The following SPATA2 variants were observed in gnomAD, a reference collection of about 807,000 sequenced individuals.
SPATA2 encodes spermatogenesis-associated protein 2.
In SPATA2, 8 loss-of-function variants were observed where a neutral mutation model predicts 35.4. The observed-to-expected ratio is 0.23, with a 90% CI of 0.13 to 0.41. The LOEUF is 0.41. SPATA2 is among the 10% of genes least tolerant of loss of function. The pLI is 1.00. For synonymous variants in SPATA2, 293 were observed against 300.9 expected (o/e 0.97, Z 0.27); for missense variants, 650 against 698.7 (o/e 0.93, Z 0.79).
Position 49,903,902 on chromosome 20 carries a change from G to GATAGAGATATATAT in SPATA2, c.*1716_*1717insATATATATCTCTAT, listed in dbSNP as rs1431587837. Reference sequence around the variant, plus strand: ...ACATCTACATGTGATCTACCAGATAGATATATATATATATATATATATATA... The same window carrying GATAGAGATATATAT: ...ACATCTACATGTGATCTACCAGATAGATAGAGATATATATATATATATATATATATATATATATA... On this transcript the variant is annotated 3_prime_UTR_variant, in exon 3 of 3. Transcript: ENST00000289431. 2.1e-5 allele frequency: 2 copies of GATAGAGATATATAT among 96,934 alleles called. No homozygotes were observed. Among genetic ancestry groups the GATAGAGATATATAT allele is most frequent in the South Asian group, 3.0e-4 (1 of 3,372 alleles). The allele number at this position is 96,934 out of a possible 1,614,324, so 6.0% of individuals were successfully genotyped here.
intron 1 of SPATA2, among the ~76,000 whole-genome samples, chr20:49,910,953 G>T (rs372229501): frequency 6.6e-6 from 1 of 152,246 alleles, no homozygotes; most frequent in Non-Finnish European, 1.5e-5. Context: ...GGGGGCTCAC[G>T]CCTGTAATCC....
In SPATA2 at chr20:49,904,399, A is replaced by G. The variant is rs2090127746; in HGVS notation, c.*1220T>C. 1 of 152,562 alleles carries G rather than the reference A, an allele frequency of 6.6e-6. No individual in the cohort carries two copies. The highest frequency in any genetic ancestry group is 1.9e-4 in the East Asian group (1 of 5,202). 9.5% of individuals were successfully genotyped at this position (152,562 alleles called of 1,614,324 possible). ...AGATGAGTCCTGGAAACTGGTGAAG[A>G]GAAGAGGATTGAGATGGAGGGGCAG... On this transcript the variant is annotated 3_prime_UTR_variant, in exon 3 of 3. Coordinates refer to ENST00000289431, the MANE Select transcript of SPATA2 (RefSeq NM_006038.4).
At chr20:49,914,775 AT>A (rs2146838912) in intron 1 of SPATA2, among the ~76,000 whole-genome samples, 1 of 152,362 alleles carries the variant, frequency 6.6e-6, no homozygotes, top group South Asian at 2.1e-4. Flanking sequence ...CAGCTCGGTC[AT>A]TCCTACAGCC....
Position 49,906,596 on chromosome 20 carries a change from C to T in SPATA2, c.586G>A (p.Glu196Lys), listed in dbSNP as rs372756959. The T allele has an allele frequency of 6.2e-6, 10 of 1,614,086 alleles. No individual in the cohort carries two copies. Among genetic ancestry groups the T allele is most frequent in the Non-Finnish European group, 1.7e-6 (2 of 1,180,040 alleles). The change falls in exon 3 of 3, where the codon GAG becomes AAG. Residue 196 changes from glutamate (E) to lysine (K), a missense_variant. Coordinates refer to ENST00000289431, the MANE Select transcript of SPATA2 (RefSeq NM_006038.4). The surrounding 1 kb of genome is among the most constrained non-coding windows in gnomAD (Gnocchi z 8.2). The stretch of plus-strand genomic sequence containing the variant: ...ACATCCTCTGCACTGCTCTTGCGCT[C>T]GCTCACAATGTCCAGCTCGGAGTAG... ...KGYSELDIVS[E>K]RKSSAEDVRG...
Position 49,908,386 on chromosome 20 carries a change from C to T in SPATA2, c.105G>A (p.Arg35=). The change falls in exon 2 of 3, where the codon CGG becomes CGA. Residue 35 remains arginine (R), a synonymous_variant. Coordinates refer to ENST00000289431, the MANE Select transcript of SPATA2 (RefSeq NM_006038.4). ...SKVDTTTSRQ[R]PGSDECLRVA... ...CCCGCAGGCACTCATCGCTGCCAGGCCGCTGCCTGCTGGTGGTGGTATCCA... is the reference window on the plus strand; with the variant it reads ...CCCGCAGGCACTCATCGCTGCCAGGTCGCTGCCTGCTGGTGGTGGTATCCA... 6.2e-7 allele frequency: 1 copy of T among 1,614,192 alleles called. No individual in the cohort carries two copies. Among genetic ancestry groups the T allele is most frequent in the South Asian group, 1.1e-5 (1 of 91,088 alleles).
chr20:49,907,391 C>T (rs1356045054), intron 2 of SPATA2, among the ~76,000 whole-genome samples: 1 of 152,166 alleles, frequency 6.6e-6, no homozygotes, highest in Non-Finnish European at 1.5e-5. Flanking sequence ...GAAGCAAAAC[C>T]TCTCGCTTCC....
intron 1 of SPATA2, among the ~76,000 whole-genome samples, chr20:49,914,049 A>G (rs1442212829): frequency 7.8e-6 from 1 of 128,348 alleles, no homozygotes; most frequent in Non-Finnish European, 1.7e-5. Context: ...AAAAAAAAAA[A>G]CCCAAAAAAC....
At chr20:49,912,976 A>C (rs939981567) in intron 1 of SPATA2, among the ~76,000 whole-genome samples, 1 of 150,418 alleles carries the variant, frequency 6.6e-6, no homozygotes, top group Non-Finnish European at 1.5e-5. Flanking sequence ...GGGTGTGGTG[A>C]CACCCACCTG....
At chr20:49,912,393 C>T (rs376901800) in intron 1 of SPATA2, among the ~76,000 whole-genome samples, 2 of 152,228 alleles carry the variant, frequency 1.3e-5, no homozygotes, top group East Asian at 3.8e-4. Context: ...TTGCAGTGAG[C>T]TGAGATCGTG....
Position 49,906,509 on chromosome 20 carries a change from T to G in SPATA2, c.673A>C (p.Met225Leu), listed in dbSNP as rs777930157. 1.2e-6 allele frequency: 2 copies of G among 1,612,032 alleles called. No homozygotes were observed. Among genetic ancestry groups the G allele is most frequent in the Non-Finnish European group, 1.7e-6 (2 of 1,179,834 alleles). The change falls in exon 3 of 3, where the codon ATG becomes CTG. Residue 225 changes from methionine to leucine, a missense_variant. Coordinates refer to ENST00000289431, the MANE Select transcript of SPATA2 (RefSeq NM_006038.4). This position sits in a 1 kb window ranked among gnomAD's most constrained non-coding sequence, Gnocchi z 8.2. ...AEGREHLTAS[M>L]SRVALQKSAS... is the part of the protein sequence containing the mutation. Reference sequence around the variant, plus strand: ...GACTTCTGGAGTGCCACTCGTGACATGGAGGCCGTCAGGTGCTCCCGGCCC... The same window carrying G: ...GACTTCTGGAGTGCCACTCGTGACAGGGAGGCCGTCAGGTGCTCCCGGCCC...
At chr20:49,908,750 C>G (rs989051106) in intron 1 of SPATA2, among the ~76,000 whole-genome samples, 158 bp from the exon 2 acceptor site, 3 of 152,132 alleles carry the variant, frequency 2.0e-5, no homozygotes, top group Non-Finnish European at 4.4e-5. Context: ...ACAACAGAGG[C>G]CAGAGAGAGA....
intron 1 of SPATA2, among the ~76,000 whole-genome samples, chr20:49,909,363 C>T (rs1420006511): frequency 2.0e-5 from 3 of 152,030 alleles, no homozygotes; most frequent in Non-Finnish European, 4.4e-5. Context: ...AGAGACGCTA[C>T]AGGCAGCCCC....
At chr20:49,909,158 G>A (rs1279605718) in intron 1 of SPATA2, among the ~76,000 whole-genome samples, 2 of 152,116 alleles carry the variant, frequency 1.3e-5, no homozygotes, top group Non-Finnish European at 2.9e-5. Context: ...AAGTAGCTGG[G>A]ATTACAGGCA....
rs1221456555 is a variant in SPATA2 at position 49,905,373 on chromosome 20, G to C, written c.*246C>G. On this transcript the variant is annotated 3_prime_UTR_variant, in exon 3 of 3. Coordinates refer to ENST00000289431, the MANE Select transcript of SPATA2 (RefSeq NM_006038.4). ...GAACCAACTGAACAGGGAGTGGAGA[G>C]ATTAGCAAAATGAATCTGAACGGAA... 1.8e-6 allele frequency: 1 copy of C among 548,486 alleles called. No homozygotes were observed. Among genetic ancestry groups the C allele is most frequent in the African/African-American group, 1.9e-5 (1 of 53,182 alleles). 34.0% of individuals were successfully genotyped at this position (548,486 alleles called of 1,614,324 possible).
Position 49,906,510 on chromosome 20 carries a change from G to A in SPATA2, c.672C>T (p.Ser224=), listed in dbSNP as rs2090145825. The A allele has an allele frequency of 1.2e-6, 2 of 1,611,978 alleles. No homozygotes were observed. The highest frequency in any genetic ancestry group is 1.7e-6 in the Non-Finnish European group (2 of 1,179,832). ...ACTTCTGGAGTGCCACTCGTGACAT[G>A]GAGGCCGTCAGGTGCTCCCGGCCCT... is the stretch of plus-strand genomic sequence containing the variant. ...RAEGREHLTA[S]MSRVALQKSA... is the part of the protein sequence containing the mutation. Residue 224 remains serine (S), a synonymous_variant, in exon 3 of 3, where the codon TCC becomes TCT. Transcript: ENST00000289431. The surrounding 1 kb of genome is among the most constrained non-coding windows in gnomAD (Gnocchi z 8.2).
chr20:49,907,542 G>A (rs1449211710), intron 2 of SPATA2, among the ~76,000 whole-genome samples: 1 of 152,078 alleles, frequency 6.6e-6, no homozygotes, highest in East Asian at 1.9e-4. Flanking sequence ...TGAGTAACAC[G>A]GCAGACTGAA....
rs1292325519 is a variant in SPATA2 at position 49,906,822 on chromosome 20, A to G, written c.360T>C (p.Tyr120=). 2 of 1,611,518 alleles carry G rather than the reference A, an allele frequency of 1.2e-6. No individual in the cohort carries two copies. Among genetic ancestry groups the G allele is most frequent in the Non-Finnish European group, 1.7e-6 (2 of 1,178,006 alleles). The part of the protein sequence containing the change: ...SIKTYTGPFV[Y]YVKSTLLEED... ...CTTCCAGTAATGTCGACTTGACATA[A>G]TAAACAAAAGGGCCCGTGTAGGTCT... The change falls in exon 3 of 3, where the codon TAT becomes TAC. Residue 120 remains tyrosine (Y), a synonymous_variant. Transcript: ENST00000289431. This position sits in a 1 kb window ranked among gnomAD's most constrained non-coding sequence, Gnocchi z 8.2.
chr20:49,915,147 C>A (rs184721556), intron 1 of SPATA2, among the ~76,000 whole-genome samples: 1 of 152,258 alleles, frequency 6.6e-6, no homozygotes, highest in Non-Finnish European at 1.5e-5. Context: ...CTTGGGCGGC[C>A]CTGAGCCACC....
At chr20:49,914,923 C>A (rs2090201018) in intron 1 of SPATA2, among the ~76,000 whole-genome samples, 1 of 152,236 alleles carries the variant, frequency 6.6e-6, no homozygotes, top group Non-Finnish European at 1.5e-5. Flanking sequence ...TGCATGATCT[C>A]ATTCCATCTC....
Sources: gnomAD v4.1 joint callset for allele counts (sites outside exome capture counted in the v4.1 genomes callset) on GRCh38, gnomAD v4.1.1 for gene constraint, Gnocchi (gnomAD v3.1) non-coding constraint, MANE v1.5 for transcripts, NCBI Gene and HGNC (gene_info 2026-07-23, HGNC 2026-07-21) for gene names.